Variants in DOCK5 observed in about 807,000 individuals in gnomAD.
The protein encoded by DOCK5 is dedicator of cytokinesis protein 5.
In DOCK5, 142 loss-of-function variants were observed where a neutral mutation model predicts 251.8. The ratio of observed to expected loss-of-function variants is 0.56; its 90% CI spans 0.49 to 0.65. The LOEUF (loss-of-function observed/expected upper bound fraction) is 0.65, where lower values mean the gene tolerates loss of function less well. Ranked by LOEUF, DOCK5 falls within the 30% of genes least tolerant of loss-of-function variation. DOCK5 has a pLI of 0.00. For synonymous variants in DOCK5, 842 were observed against 835.5 expected, an observed-to-expected ratio of 1.01 and a Z score of -0.13; for missense variants, 2,111 against 2,312.3, an observed-to-expected ratio of 0.91 and a Z score of 1.79.
chr8:25,290,329 C>CA (rs1030130973), intron 5 of DOCK5, among the ~76,000 whole-genome samples: 26 of 151,570 alleles, frequency 1.7e-4, no homozygotes, highest in Admixed American at 1.4e-3. Flanking sequence ...ACAAAAATTG[C>CA]AAAAAAAATA....
At chr8:25,259,265 G>A (rs746973649) in intron 2 of DOCK5, among the ~76,000 whole-genome samples, 4 of 152,060 alleles carry the variant, frequency 2.6e-5, no homozygotes, top group Non-Finnish European at 4.4e-5. Flanking sequence ...GAGGGGTGGC[G>A]CATTGAGAAA....
intron 45 of DOCK5, among the ~76,000 whole-genome samples, chr8:25,397,489 CT>C (rs1801366409): frequency 6.6e-6 from 1 of 152,176 alleles, no homozygotes; most frequent in African/African-American, 2.4e-5. Context: ...CTTCTGTAGC[CT>C]TATTATACTC....
At chr8:25,374,902 C>T in intron 37 of DOCK5, 1 of 1,315,058 alleles carries the variant, frequency 7.6e-7, no homozygotes. Flanking sequence ...GTAATTGACA[C>T]TCTAATTAAA....
intron 1 of DOCK5, among the ~76,000 whole-genome samples, chr8:25,192,038 A>G (rs1801595928): frequency 6.6e-6 from 1 of 151,006 alleles, no homozygotes; most frequent in African/African-American, 2.4e-5. Flanking sequence ...TGTCCTTGCG[A>G]TAGTTTGCTG....
chr8:25,242,080 C>T (rs1802967995), intron 1 of DOCK5, among the ~76,000 whole-genome samples: 1 of 151,952 alleles, frequency 6.6e-6, no homozygotes. Context: ...TTCAGCAAAC[C>T]ACCATGGCAC....
intron 32 of DOCK5, 32 bp downstream of exon 32, chr8:25,368,282 C>G: frequency 1.9e-6 from 3 of 1,587,066 alleles, no homozygotes; most frequent in South Asian, 1.1e-5. Flanking sequence ...GGCCTGATCA[C>G]AACCTCTGAG....
intron 25 of DOCK5, among the ~76,000 whole-genome samples, chr8:25,345,144 T>G (rs1471974019): frequency 6.6e-6 from 1 of 152,200 alleles, no homozygotes; most frequent in African/African-American, 2.4e-5. Flanking sequence ...TTTATTTGTT[T>G]CATATGACCC....
At position 25,300,651 on chromosome 8, in the gene DOCK5, G is replaced by A; in HGVS notation, c.840G>A (p.Val280=). 6.2e-7 allele frequency: 1 copy of A among 1,611,962 alleles called. No homozygotes were observed. The highest frequency in any genetic ancestry group is 8.5e-7 in the Non-Finnish European group (1 of 1,178,920). The change falls in exon 9 of 52, where the codon GTG becomes GTA. Residue 280 remains valine, a synonymous_variant. Coordinates refer to ENST00000276440, the MANE Select transcript of DOCK5 (RefSeq NM_024940.8). ...EIEKLNNLQA[V]FTDLSSMDLI... is the part of the protein sequence containing the mutation. ...AGAAGCTCAATAACCTCCAAGCAGT[G>A]TTTACAGTAAGTCCTCCCTTCTGTT...
At position 25,391,049 on chromosome 8, in the gene DOCK5, T is replaced by A. The variant is rs150491220; in HGVS notation, c.4355+762T>A. On this transcript the variant is annotated intron_variant, in intron 42 of 51. Transcript: ENST00000276440. The stretch of plus-strand genomic sequence containing the variant: ...GTCTCAAACTCCTGAGCTCAGGCAA[T>A]CCGCCCACTAAGAGACAGGGTCTCT... 8.4e-4 allele frequency among the ~76,000 whole-genome samples: 128 copies of A among 151,746 alleles called. 1 individual carries two copies. The highest frequency in any genetic ancestry group is 2.9e-3 in the African/African-American group (122 of 41,382).
intron 2 of DOCK5, among the ~76,000 whole-genome samples, chr8:25,253,039 G>T (rs933199745): frequency 5.9e-5 from 9 of 152,148 alleles, no homozygotes; most frequent in African/African-American, 2.2e-4. Context: ...GGCTAGGCTG[G>T]CCTCAAACTC....
intron 1 of DOCK5, among the ~76,000 whole-genome samples, chr8:25,191,908 C>A (rs542078952): frequency 2.0e-5 from 2 of 98,306 alleles, no homozygotes; most frequent in Admixed American, 1.3e-4. Context: ...CTAATGCTAT[C>A]CCTCCCCCCT....
chr8:25,388,397 C>T (rs540278220), intron 40 of DOCK5, among the ~76,000 whole-genome samples: 13 of 152,312 alleles, frequency 8.5e-5, no homozygotes, highest in Admixed American at 5.2e-4. Context: ...GCAACCACAC[C>T]TGTGAGACAA....
chr8:25,330,382 G>T (rs1228978754), intron 18 of DOCK5, among the ~76,000 whole-genome samples: 2 of 152,196 alleles, frequency 1.3e-5, no homozygotes, highest in Admixed American at 1.3e-4. Context: ...GCCTTCAAAT[G>T]GCTGAGAACT....
In DOCK5 at chr8:25,377,335, C is replaced by T; in HGVS notation, c.3847C>T (p.Leu1283Phe). The change falls in exon 38 of 52, where the codon CTT (leucine) becomes TTT (phenylalanine). Residue 1283 changes from leucine (L) to phenylalanine (F), a missense_variant. Physicochemically the swap from Leu to Phe is conservative, Grantham distance 22. Around this residue, in one of 3 missense-constraint regions of DOCK5, gnomAD observed 1,717 missense variants for 1,892.4 expected, o/e 0.91. Transcript: ENST00000276440. The stretch of plus-strand genomic sequence containing the variant: ...TGACAAGCCCTGTGTGCCTCATTTG[C>T]TTCAGAAGGACAGTTACTATGTTTA... Reference protein sequence around the residue: ...WSDKPCVPHLLQKDSYYVYTQ... With the variant: ...WSDKPCVPHLFQKDSYYVYTQ... 4 of 1,613,454 alleles carry T rather than the reference C, an allele frequency of 2.5e-6. No individual in the cohort carries two copies. Among genetic ancestry groups the T allele is most frequent in the Non-Finnish European group, 3.4e-6 (4 of 1,179,576 alleles).
intron 22 of DOCK5, among the ~76,000 whole-genome samples, chr8:25,339,160 T>A (rs1235419675): frequency 6.6e-6 from 1 of 152,206 alleles, no homozygotes; most frequent in Non-Finnish European, 1.5e-5. Context: ...TGCAGTGGAA[T>A]GTCACCTGGT....
chr8:25,398,323 A>T (rs1016860425), intron 45 of DOCK5, among the ~76,000 whole-genome samples: 1 of 152,220 alleles, frequency 6.6e-6, no homozygotes, highest in Non-Finnish European at 1.5e-5. Context: ...ATTTATACTG[A>T]CAGTCCCTCT....
rs750739702 is a variant in DOCK5, at chr8:25,400,004, G to C, written c.4788+10G>C. 5 of 1,611,096 alleles carry C rather than the reference G, an allele frequency of 3.1e-6. No homozygotes were observed. In the African/African-American group the frequency reaches 5.3e-5, roughly 17 times the overall value. Reference sequence around the variant, plus strand: ...ACTAATAGCATTACAGGTACAGGACGGCTTTCCTCTACACTCCCAGGGAGG... The same window carrying C: ...ACTAATAGCATTACAGGTACAGGACCGCTTTCCTCTACACTCCCAGGGAGG... On this transcript the variant is annotated intron_variant, in intron 46 of 51. Transcript: ENST00000276440.
intron 1 of DOCK5, among the ~76,000 whole-genome samples, chr8:25,242,952 G>C (rs575448236): frequency 6.6e-6 from 1 of 152,206 alleles, no homozygotes; most frequent in Non-Finnish European, 1.5e-5. Context: ...CATCAGTTCC[G>C]TGTTCTTGCA....
At position 25,409,630 on chromosome 8, in the gene DOCK5, C is replaced by T. The variant is rs554621135; in HGVS notation, c.5405-469C>T. 1.0e-3 allele frequency: 155 copies of T among 154,636 alleles called. 2 individuals carry two copies. In the South Asian group the frequency reaches 0.03, roughly 30 times the overall value. 9.6% of individuals were successfully genotyped at this position (154,636 alleles called of 1,614,324 possible). ...TTGGGAGGCCGAGGCAGGTGAATCA[C>T]GAGGTCAGGAGATCGAGATCATCCT... On this transcript the variant is annotated intron_variant, in intron 50 of 51. Coordinates refer to ENST00000276440, the MANE Select transcript of DOCK5 (RefSeq NM_024940.8).
Sources: allele counts gnomAD v4.1 joint callset (sites outside exome capture counted in the v4.1 genomes callset), GRCh38; gene constraint gnomAD v4.1.1; regional missense constraint gnomAD v4.1.1; transcripts MANE v1.5; gene names NCBI Gene and HGNC (gene_info 2026-07-23, HGNC 2026-07-21).